Variants in EIF4A1 observed in about 807,000 individuals in gnomAD.
EIF4A1 encodes eukaryotic initiation factor 4A-I.
EIF4A1 carries 11 observed loss-of-function variants against 53.5 expected under a neutral mutation model. That is an observed-to-expected ratio of 0.21 (90% confidence interval 0.13 to 0.34). The LOEUF (loss-of-function observed/expected upper bound fraction) is 0.34. Among genes scored for constraint, EIF4A1 ranks in the 10% least tolerant of loss-of-function variants. EIF4A1 has a pLI of 1.00. For synonymous variants in EIF4A1, 237 were observed against 186.7 expected (o/e 1.27, Z -2.20); for missense variants, 213 against 530.8 (o/e 0.40, Z 5.88).
chr17:7,573,529 C>T (rs1250217384), intron 1 of EIF4A1: 2 of 142,328 alleles, frequency 1.4e-5, no homozygotes, highest in Non-Finnish European at 3.0e-5. Flanking sequence ...CACCTTCCTT[C>T]GGGGGTGAGC....
chr17:7,578,692 T>A lies in EIF4A1; in HGVS notation c.*206T>A. 20 of 394,692 alleles carry A rather than the reference T, an allele frequency of 5.1e-5. No homozygotes were observed. Among genetic ancestry groups the A allele is most frequent in the South Asian group, 7.9e-5 (1 of 12,594 alleles). 24.4% of individuals were successfully genotyped at this position (394,692 alleles called of 1,614,324 possible). On this transcript the variant is annotated 3_prime_UTR_variant, in exon 11 of 11. Transcript: ENST00000293831. ...GTAGGCTCTTGCCCCAGGCGCCGGC[T>A]CTTCTCCCAAAAAAAAAAAAAAAAC... is the stretch of plus-strand genomic sequence containing the variant.
intron 5 of EIF4A1, 87 bp from the exon 6 acceptor site, chr17:7,576,969 C>T: frequency 1.3e-6 from 2 of 1,517,338 alleles, no homozygotes; most frequent in Non-Finnish European, 1.8e-6. Context: ...CTTGGCTCCT[C>T]TCTGTTTTTT....
intron 4 of EIF4A1, 84 bp downstream of exon 4, chr17:7,575,342 C>A (rs751289125): frequency 1.3e-6 from 2 of 1,591,074 alleles, no homozygotes; most frequent in Non-Finnish European, 1.7e-6. Flanking sequence ...CTTCTCTGAT[C>A]ACCACCTTGG....
Position 7,577,796 on chromosome 17 carries a change from T to G in EIF4A1, c.907-31T>G, listed in dbSNP as rs761679768. The G allele has an allele frequency of 3.5e-5, 57 of 1,614,030 alleles. No individual in the cohort carries two copies. The highest frequency in any genetic ancestry group is 4.8e-5 in the Non-Finnish European group (57 of 1,180,022). On this transcript the variant is annotated intron_variant, in intron 8 of 10. Coordinates refer to ENST00000293831, the MANE Select transcript of EIF4A1 (RefSeq NM_001416.4). This position sits in a 1 kb window ranked among gnomAD's most constrained non-coding sequence, Gnocchi z 4.7. The stretch of plus-strand genomic sequence containing the variant: ...GGTTCCTGGAACCCAGGTGCCTACC[T>G]GGTCTGCTGCATATTTGTTTTCTCT...
At position 7,577,046 on chromosome 17, in the gene EIF4A1, TC is replaced by T. The variant is rs1280715466; in HGVS notation, c.515-9del. ...ATATGCTATATATTGGCTTTTTTTTTCTTCTCTAGCCCCCAAATACATCAAG... is the reference window on the plus strand; with the variant it reads ...ATATGCTATATATTGGCTTTTTTTTTTTCTCTAGCCCCCAAATACATCAAG... On this transcript the variant is annotated splice_polypyrimidine_tract_variant and intron_variant, in intron 5 of 10. Transcript: ENST00000293831. This position sits in a 1 kb window ranked among gnomAD's most constrained non-coding sequence, Gnocchi z 4.7. 1.9e-6 allele frequency: 3 copies of T among 1,613,896 alleles called. No homozygotes were observed. The African/African-American group carries it at 4.0e-5, about 22-fold the overall frequency.
chr17:7,576,927 A>AG, intron 5 of EIF4A1, 129 bp from the exon 6 acceptor site: 1 of 1,358,132 alleles, frequency 7.4e-7, no homozygotes, highest in Non-Finnish European at 1.1e-6. Flanking sequence ...TCCTGGGCAA[A>AG]GGATCAGTCT....
At chr17:7,576,962 G>T in intron 5 of EIF4A1, 94 bp from the exon 6 acceptor site, 1 of 1,457,588 alleles carries the variant, frequency 6.9e-7, no homozygotes, top group Non-Finnish European at 9.6e-7. Flanking sequence ...CAGACTACTT[G>T]GCTCCTCTCT....
At chr17:7,574,086 T>TG in intron 1 of EIF4A1, 174 bp from the exon 2 acceptor site, 1 of 703,728 alleles carries the variant, frequency 1.4e-6, no homozygotes, top group South Asian at 1.8e-5. Context: ...ATGGGGCAAA[T>TG]GCCTCAGTTT....
rs191581525 is a variant in EIF4A1 at position 7,574,180 on chromosome 17, A to T, written c.24-80A>T. Reference sequence around the variant, plus strand: ...GCAGATTGATGGCATCATGCAGGCCACTCCTGACAGAGCCCGGCTGTCAGG... The same window carrying T: ...GCAGATTGATGGCATCATGCAGGCCTCTCCTGACAGAGCCCGGCTGTCAGG... On this transcript the variant is annotated intron_variant, in intron 1 of 10. Transcript: ENST00000293831. The T allele has an allele frequency of 1.2e-4, 188 of 1,556,428 alleles. No individual in the cohort carries two copies. In the African/African-American group the frequency reaches 2.4e-3, roughly 20 times the overall value.
rs771279960 is a variant in EIF4A1, at chr17:7,576,510, C to T, written c.346-14C>T. On this transcript the variant is annotated splice_polypyrimidine_tract_variant and intron_variant, in intron 4 of 10. Transcript: ENST00000293831. The stretch of plus-strand genomic sequence containing the variant: ...TGGTAACTGACATATGAGCACCTGC[C>T]TCTCTCTGCTCAGATACAGAAGGTG... 6 of 1,548,750 alleles carry T rather than the reference C, an allele frequency of 3.9e-6. No individual in the cohort carries two copies. Among genetic ancestry groups the T allele is most frequent in the Non-Finnish European group, 5.2e-6 (6 of 1,146,710 alleles).
At position 7,577,256 on chromosome 17, in the gene EIF4A1, C is replaced by T. The variant is rs2071414835; in HGVS notation, c.625-88C>T. 1 of 1,572,520 alleles carries T rather than the reference C, an allele frequency of 6.4e-7. No individual in the cohort carries two copies. The highest frequency in any genetic ancestry group is 8.6e-7 in the Non-Finnish European group (1 of 1,161,270). On this transcript the variant is annotated intron_variant, in intron 6 of 10. Transcript: ENST00000293831. This position sits in a 1 kb window ranked among gnomAD's most constrained non-coding sequence, Gnocchi z 4.7. ...TACTGGATTCTTGAGCCTTTTTATGCATCTGCTTCAGTTTTAGGTGTGGCT... is the reference window on the plus strand; with the variant it reads ...TACTGGATTCTTGAGCCTTTTTATGTATCTGCTTCAGTTTTAGGTGTGGCT...
chr17:7,572,955 G>A, intron 1 of EIF4A1, 91 bp downstream of exon 1: 1 of 1,611,788 alleles, frequency 6.2e-7, no homozygotes, highest in Admixed American at 1.7e-5. Flanking sequence ...GCCCACCAGG[G>A]TTGCGGGAGA....
At chr17:7,575,817 C>T (rs76665607) in intron 4 of EIF4A1, 33 of 211,880 alleles carry the variant, frequency 1.6e-4, no homozygotes, top group Middle Eastern at 4.0e-3. Flanking sequence ...GAACATGCCT[C>T]GTAGCTTGGG....
chr17:7,574,206 A>G (rs1597847388), intron 1 of EIF4A1, 54 bp from the exon 2 acceptor site: 1 of 1,610,870 alleles, frequency 6.2e-7, no homozygotes, highest in South Asian at 1.1e-5. Context: ...GGCTGTCAGG[A>G]TTTCTGAGTG....
At chr17:7,576,427 A>G (rs2071402679) in intron 4 of EIF4A1, 97 bp from the exon 5 acceptor site, 2 of 1,453,324 alleles carry the variant, frequency 1.4e-6, no homozygotes, top group Non-Finnish European at 1.8e-6. Context: ...TGCATGCCCC[A>G]AAGTTGTTGG....
chr17:7,576,163 G>C (rs1445888704), intron 4 of EIF4A1: 1 of 164,758 alleles, frequency 6.1e-6, no homozygotes, highest in African/African-American at 2.4e-5. Context: ...GCAAAGCTCT[G>C]TCTCAAAAAA....
rs1170380404 is a variant in EIF4A1 at position 7,576,560 on chromosome 17, G to A, written c.382G>A (p.Gly128Ser). 6.2e-7 allele frequency: 1 copy of A among 1,610,302 alleles called. No homozygotes were observed. Among genetic ancestry groups the A allele is most frequent in the Admixed American group, 1.7e-5 (1 of 59,278 alleles). Residue 128 changes from glycine to serine, a missense_variant, in exon 5 of 11, where the codon GGC becomes AGC. Coordinates refer to ENST00000293831, the MANE Select transcript of EIF4A1 (RefSeq NM_001416.4). Reference sequence around the variant, plus strand: ...GGTCATGGCACTAGGAGACTACATGGGCGCCTCCTGTCACGCCTGTATCGG... The same window carrying A: ...GGTCATGGCACTAGGAGACTACATGAGCGCCTCCTGTCACGCCTGTATCGG... Reference protein sequence around the residue: ...KVVMALGDYMGASCHACIGGT... With the variant: ...KVVMALGDYMSASCHACIGGT...
rs560166843 is a variant in EIF4A1, at chr17:7,574,432, G to C, written c.73-114G>C. The C allele has an allele frequency of 1.5e-5, 24 of 1,603,062 alleles. No individual in the cohort carries two copies. The East Asian group carries it at 5.4e-4, about 36-fold the overall frequency. ...GCAGCTGGTTTCCCTAAAGGGAGGA[G>C]GGTTGTAAGCTCTGAGGCTTTTGTT... is the stretch of plus-strand genomic sequence containing the variant. On this transcript the variant is annotated intron_variant, in intron 2 of 10. Coordinates refer to ENST00000293831, the MANE Select transcript of EIF4A1 (RefSeq NM_001416.4).
At position 7,578,677 on chromosome 17, in the gene EIF4A1, G is replaced by C; in HGVS notation, c.*191G>C. 2 of 493,972 alleles carry C rather than the reference G, an allele frequency of 4.0e-6. No individual in the cohort carries two copies. Among genetic ancestry groups the C allele is most frequent in the South Asian group, 6.9e-5 (1 of 14,438 alleles). The allele number at this position is 493,972 out of a possible 1,614,324, so 30.6% of individuals were successfully genotyped here. On this transcript the variant is annotated 3_prime_UTR_variant, in exon 11 of 11. Transcript: ENST00000293831. ...ACCCTTTTCTTTGGGGTAGGCTCTT[G>C]CCCCAGGCGCCGGCTCTTCTCCCAA...
Sources: allele counts gnomAD v4.1 joint callset, GRCh38; gene constraint gnomAD v4.1.1; non-coding constraint Gnocchi (gnomAD v3.1); transcripts MANE v1.5; gene names NCBI Gene and HGNC (gene_info 2026-07-23, HGNC 2026-07-21).